MUTYH: variants seen among roughly 807,000 people sequenced by gnomAD.
The protein encoded by MUTYH is mutY DNA glycosylase.
Under a neutral mutation model 72.9 loss-of-function variants are expected in MUTYH, and 64 were observed. The ratio of observed to expected loss-of-function variants is 0.88; its 90% CI spans 0.72 to 1.08. MUTYH has a LOEUF of 1.08. MUTYH is among the 50% of genes least tolerant of loss of function. The pLI is 0.00. For missense variants in MUTYH, 633 were observed against 671.0 expected (o/e 0.94, Z 0.63); for synonymous variants, 234 against 263.1 (o/e 0.89, Z 1.07).
chr1:45,339,158 G>A (rs1646481336), intron 1 of MUTYH, among the ~76,000 whole-genome samples: 1 of 151,684 alleles, frequency 6.6e-6, no homozygotes, highest in African/African-American at 2.4e-5. Flanking sequence ...GAAGGCAGAG[G>A]TGGATGGGAA....
At chr1:45,330,225 T>C (rs1180517604) in intron 15 of MUTYH, among the ~76,000 whole-genome samples, 2 of 62,810 alleles carry the variant, frequency 3.2e-5, no homozygotes, top group Non-Finnish European at 6.0e-5. Flanking sequence ...AGTGAGACTG[T>C]CTCAAAAAAA....
chr1:45,339,942 C>A lies in MUTYH; in HGVS notation c.-50G>T. 6.8e-7 allele frequency: 1 copy of A among 1,478,538 alleles called. No homozygotes were observed. The highest frequency in any genetic ancestry group is 2.9e-5 in the East Asian group (1 of 34,546). The allele number at this position is 1,478,538 out of a possible 1,614,324, so 91.6% of individuals were successfully genotyped here. On this transcript the variant is annotated 5_prime_UTR_variant, in exon 1 of 16. Transcript: ENST00000456914. The stretch of plus-strand genomic sequence containing the variant: ...AAGACAGCAGAACACGGAGGCCCCG[C>A]GTTCCCGCCGCGAGAGCAGGAGAGA...
Position 45,333,306 on chromosome 1 carries a change from G to A in MUTYH, c.283C>T (p.Leu95=), listed in dbSNP as rs764221826. The part of the protein sequence containing the change: ...WRRRAEDEMD[L]DRRAYAVWVS... ...TGACCAGCATATGCCCGCCTGTCCA[G>A]GTCCATCTCATCTTCTGCCTGTCAA... is the stretch of plus-strand genomic sequence containing the variant. Residue 95 remains leucine (L), a synonymous_variant, in exon 4 of 16, where the codon CTG becomes TTG. Coordinates refer to ENST00000456914, the MANE Select transcript of MUTYH (RefSeq NM_001048174.2). The A allele has an allele frequency of 6.2e-6, 10 of 1,614,108 alleles. No homozygotes were observed. In the South Asian group the frequency reaches 7.7e-5, roughly 12 times the overall value.
chr1:45,331,050 ACTC>A, intron 14 of MUTYH, 129 bp downstream of exon 14: 1 of 1,247,778 alleles, frequency 8.0e-7, no homozygotes, highest in Non-Finnish European at 1.1e-6. Flanking sequence ...GCGCCATTGC[ACTC>A]CAGCCTGGGC....
In MUTYH at chr1:45,331,792, G is replaced by T. The variant is rs587781703; in HGVS notation, c.971C>A (p.Thr324Asn). ...TCTGGGGAAGTTGACCACTCCCAGG[G>T]TCTGGTCCCAGGGCTCCGAGGGAGG... is the stretch of plus-strand genomic sequence containing the variant. ...CLPPSEPWDQTLGVVNFPRKA... is the reference protein window; with the variant it reads ...CLPPSEPWDQNLGVVNFPRKA... The change falls in exon 12 of 16, where the codon ACC becomes AAC. Residue 324 changes from threonine to asparagine, a missense_variant. Coordinates refer to ENST00000456914, the MANE Select transcript of MUTYH (RefSeq NM_001048174.2). 5.6e-6 allele frequency: 9 copies of T among 1,613,040 alleles called. No individual in the cohort carries two copies. Among genetic ancestry groups the T allele is most frequent in the Non-Finnish European group, 7.6e-6 (9 of 1,179,450 alleles).
Position 45,331,733 on chromosome 1 carries a change from A to G in MUTYH, c.1030T>C (p.Ser344Pro), listed in dbSNP as rs587782261. 1 of 1,614,188 alleles carries G rather than the reference A, an allele frequency of 6.2e-7. No individual in the cohort carries two copies. ...GGCTGTTCCAGAACACAGGTGGCAGAGCTCTCCTCCCTGGGGGGCTTGCGG... is the reference window on the plus strand; with the variant it reads ...GGCTGTTCCAGAACACAGGTGGCAGGGCTCTCCTCCCTGGGGGGCTTGCGG... ...ASRKPPREES[S>P]ATCVLEQPGA... Residue 344 changes from serine (S) to proline (P), a missense_variant, in exon 12 of 16, where the codon TCT becomes CCT. Transcript: ENST00000456914.
chr1:45,335,673 A>G lies in MUTYH; in HGVS notation c.-6-1162T>C, dbSNP rs536796177. On this transcript the variant is annotated intron_variant, in intron 1 of 15. Coordinates refer to ENST00000456914, the MANE Select transcript of MUTYH (RefSeq NM_001048174.2). ...GGAGTTCGAGACCAGCCTGGCCAAC[A>G]TGGCGAAACCCCATCTCTACTAAAA... 2.0e-5 allele frequency among the ~76,000 whole-genome samples: 3 copies of G among 152,076 alleles called. No individual in the cohort carries two copies. The South Asian group carries it at 6.2e-4, about 32-fold the overall frequency.
intron 15 of MUTYH, 53 bp from the exon 16 acceptor site, chr1:45,329,490 G>T: frequency 1.2e-6 from 2 of 1,606,566 alleles, no homozygotes; most frequent in Non-Finnish European, 1.7e-6. Flanking sequence ...GGGGAGCAGA[G>T]AATCCTCTCC....
rs1060501329 is a variant in MUTYH, at chr1:45,332,257, G to C, written c.758C>G (p.Ala253Gly). The C allele has an allele frequency of 6.2e-7, 1 of 1,614,052 alleles. No individual in the cohort carries two copies. The highest frequency in any genetic ancestry group is 8.5e-7 in the Non-Finnish European group (1 of 1,179,972). Reference protein sequence around the residue: ...DPARPGDFNQAAMELGATVCT... With the variant: ...DPARPGDFNQGAMELGATVCT... ...CACTGTGGCCCCTAGCTCCATGGCTGCTTGGTTGAAATCTCCTGGCCGGGC... is the reference window on the plus strand; with the variant it reads ...CACTGTGGCCCCTAGCTCCATGGCTCCTTGGTTGAAATCTCCTGGCCGGGC... The change falls in exon 10 of 16, where the codon GCA (alanine) becomes GGA (glycine). Residue 253 changes from alanine to glycine, a missense_variant. Transcript: ENST00000456914.
intron 1 of MUTYH, among the ~76,000 whole-genome samples, chr1:45,334,927 C>G (rs912914041): frequency 6.6e-6 from 1 of 152,154 alleles, no homozygotes; most frequent in African/African-American, 2.4e-5. Flanking sequence ...TACACTGAAA[C>G]AGCCTGTAGT....
chr1:45,334,612 T>G, intron 1 of MUTYH, 101 bp from the exon 2 acceptor site: 1 of 1,538,794 alleles, frequency 6.5e-7, no homozygotes, highest in Non-Finnish European at 8.9e-7. Flanking sequence ...ACCATTCACA[T>G]GGGGTCCAGC....
In MUTYH at chr1:45,331,424, C is replaced by T. The variant is rs1557458862; in HGVS notation, c.1235G>A (p.Gly412Glu). The T allele has an allele frequency of 6.2e-7, 1 of 1,614,124 alleles. No homozygotes were observed. The highest frequency in any genetic ancestry group is 1.3e-5 in the African/African-American group (1 of 74,948). ...PLPATHLRHL[G>E]EVVHTFSHIK... ...GCTATTCCGCTGCTCACTTACCTCCCCAAGGTGCCGGAGGTGCGTGGCTGG... is the reference window on the plus strand; with the variant it reads ...GCTATTCCGCTGCTCACTTACCTCCTCAAGGTGCCGGAGGTGCGTGGCTGG... The change falls in exon 13 of 16, where the codon GGG becomes GAG. Residue 412 changes from glycine to glutamate, a missense_variant. Coordinates refer to ENST00000456914, the MANE Select transcript of MUTYH (RefSeq NM_001048174.2).
intron 1 of MUTYH, among the ~76,000 whole-genome samples, chr1:45,337,768 G>C (rs1306287625): frequency 1.3e-5 from 2 of 152,070 alleles, no homozygotes; most frequent in Non-Finnish European, 2.9e-5. Flanking sequence ...AATATTTATA[G>C]AGCCCCCTAA....
At position 45,330,566 on chromosome 1, in the gene MUTYH, G is replaced by C; in HGVS notation, c.1393-9C>G. 6.2e-7 allele frequency: 1 copy of C among 1,606,938 alleles called. No individual in the cohort carries two copies. Among genetic ancestry groups the C allele is most frequent in the Non-Finnish European group, 8.5e-7 (1 of 1,176,434 alleles). ...TGATACACACGGAAAACCTAGACAA[G>C]AAGACAGGGAGGTGAGGGCTGGCAC... is the stretch of plus-strand genomic sequence containing the variant. On this transcript the variant is annotated splice_polypyrimidine_tract_variant and intron_variant, in intron 14 of 15. Transcript: ENST00000456914.
chr1:45,340,353 A>AG (rs752838755), upstream of MUTYH: 110 of 1,585,068 alleles, frequency 6.9e-5, no homozygotes, highest in South Asian at 1.2e-3. Context: ...GCTCTGGGAG[A>AG]GGGGAAGGCC....
At position 45,331,716 on chromosome 1, in the gene MUTYH, C is replaced by T. The variant is rs1190465145; in HGVS notation, c.1047G>A (p.Leu349=). ...PREESSATCV[L]EQPGALGAQI... is the part of the protein sequence containing the mutation. The stretch of plus-strand genomic sequence containing the variant: ...GGGCCCCAAGGGCCCCAGGCTGTTC[C>T]AGAACACAGGTGGCAGAGCTCTCCT... Residue 349 remains leucine (L), a synonymous_variant, in exon 12 of 16, where the codon CTG becomes CTA. Transcript: ENST00000456914. The T allele has an allele frequency of 6.2e-7, 1 of 1,614,194 alleles. No homozygotes were observed. Among genetic ancestry groups the T allele is most frequent in the Non-Finnish European group, 8.5e-7 (1 of 1,180,042 alleles).
At position 45,333,006 on chromosome 1, in the gene MUTYH, G is replaced by C. The variant is rs151105575; in HGVS notation, c.379-47C>G. The C allele has an allele frequency of 4.6e-5, 74 of 1,613,064 alleles. No individual in the cohort carries two copies. In the East Asian group the frequency reaches 1.6e-3, roughly 34 times the overall value. On this transcript the variant is annotated intron_variant, in intron 5 of 15. Transcript: ENST00000456914. ...AAGAGACAAGGTCAAGGGTGAAGGT[G>C]GTAGAGGAAGCCTTCTCTACACCCA...
Position 45,332,765 on chromosome 1 carries a change from T to G in MUTYH, c.490A>C (p.Lys164Gln). The G allele has an allele frequency of 6.2e-7, 1 of 1,614,088 alleles. No individual in the cohort carries two copies. Among genetic ancestry groups the G allele is most frequent in the African/African-American group, 1.3e-5 (1 of 75,012 alleles). Residue 164 changes from lysine to glutamine, a missense_variant and splice_region_variant, in exon 7 of 16, where the codon AAG (lysine) becomes CAG (glutamine). By Grantham distance (53) the Lys-to-Gln change is moderately conservative. Transcript: ENST00000456914. ...RGRRLQEGAR[K>Q]VVEELGGHMP... is the part of the protein sequence containing the mutation. ...CTACCCTCCTGCCATCCCCTTACCTTCCGAGCTCCCTCCTGCAGCCGCCGG... is the reference window on the plus strand; with the variant it reads ...CTACCCTCCTGCCATCCCCTTACCTGCCGAGCTCCCTCCTGCAGCCGCCGG...
At position 45,329,274 on chromosome 1, in the gene MUTYH, G is replaced by A; in HGVS notation, c.*32C>T. On this transcript the variant is annotated 3_prime_UTR_variant, in exon 16 of 16. Transcript: ENST00000456914. ...AAAAATAAGCACTTTACTAACAACA[G>A]GATTCTCAGGGAATGGGGGCTTTCA... The A allele has an allele frequency of 6.2e-7, 1 of 1,613,990 alleles. No homozygotes were observed. The highest frequency in any genetic ancestry group is 8.5e-7 in the Non-Finnish European group (1 of 1,179,890).
Sources: gnomAD v4.1 joint callset for allele counts (sites outside exome capture counted in the v4.1 genomes callset) on GRCh38, gnomAD v4.1.1 for gene constraint, MANE v1.5 for transcripts, NCBI Gene and HGNC (gene_info 2026-07-23, HGNC 2026-07-21) for gene names.